Variants in ANGPTL8 observed in about 807,000 individuals in gnomAD.
ANGPTL8 encodes the protein angiopoietin like 8.
In ANGPTL8, 24 loss-of-function variants were observed where a neutral mutation model predicts 22.6. The observed-to-expected ratio is 1.06, with a 90% confidence interval of 0.77 to 1.49. ANGPTL8 has a LOEUF of 1.49. Among genes scored for constraint, ANGPTL8 ranks in the 40% most tolerant of loss-of-function variants. ANGPTL8 has a pLI of 0.00. For missense variants in ANGPTL8, 230 were observed against 259.6 expected (o/e 0.89, Z 0.78); for synonymous variants, 88 against 113.4 (o/e 0.78, Z 1.42).
rs1231577665 is a variant in ANGPTL8 at position 11,240,188 on chromosome 19, G to A, written c.351G>A (p.Gly117=). Residue 117 remains glycine, a synonymous_variant, in exon 2 of 4, where the codon GGG becomes GGA. Transcript: ENST00000252453. ...CAGAGGCCACAGCTGAGGTGCTGGG[G>A]GAGGTGGCCCAGGCACAGAAGGTGC... is the stretch of plus-strand genomic sequence containing the variant. The part of the protein sequence containing the change: ...LQAEATAEVL[G]EVAQAQKVLR... The A allele has an allele frequency of 6.4e-7, 1 of 1,555,034 alleles. No individual in the cohort carries two copies. The highest frequency in any genetic ancestry group is 2.0e-5 in the Admixed American group (1 of 51,274).
intron 2 of ANGPTL8, among the ~76,000 whole-genome samples, chr19:11,241,182 G>A (rs953507042): frequency 6.6e-6 from 1 of 151,646 alleles, no homozygotes; most frequent in African/African-American, 2.4e-5. Context: ...GGAGGTGGAG[G>A]TTGCAGTGAG....
chr19:11,240,555 G>A (rs571095600), intron 2 of ANGPTL8, among the ~76,000 whole-genome samples: 13 of 152,090 alleles, frequency 8.5e-5, no homozygotes, highest in African/African-American at 2.4e-4. Flanking sequence ...AGCATGGGGC[G>A]GGCACACAGT....
In ANGPTL8 at chr19:11,241,439, C is replaced by T. The variant is rs757450296; in HGVS notation, c.460-6C>T. On this transcript the variant is annotated splice_region_variant and splice_polypyrimidine_tract_variant and intron_variant, in intron 2 of 3. Coordinates refer to ENST00000252453, the MANE Select transcript of ANGPTL8 (RefSeq NM_018687.7). ...TCGGCTGAGGTTTCCATTCTGACCC[C>T]CACAGGCTCACGCTGACAAGCAGAG... The T allele has an allele frequency of 6.5e-6, 10 of 1,543,856 alleles. No individual in the cohort carries two copies. In the South Asian group the frequency reaches 9.5e-5, roughly 15 times the overall value.
chr19:11,240,256 C>A lies in ANGPTL8; in HGVS notation c.419C>A (p.Ala140Asp). The A allele has an allele frequency of 6.3e-7, 1 of 1,584,374 alleles. No individual in the cohort carries two copies. ...VQRLEVQLRS[A>D]WLGPAYREFE... is the part of the protein sequence containing the mutation. ...CGGCTAGAAGTCCAGCTGAGGAGCGCCTGGCTGGGCCCTGCCTACCGAGAA... is the reference window on the plus strand; with the variant it reads ...CGGCTAGAAGTCCAGCTGAGGAGCGACTGGCTGGGCCCTGCCTACCGAGAA... Residue 140 changes from alanine to aspartate, a missense_variant, in exon 2 of 4, where the codon GCC (alanine) becomes GAC (aspartate). By Grantham distance (126) the Ala-to-Asp change is moderately radical. Transcript: ENST00000252453.
chr19:11,239,960 G>T (rs1195432395), intron 1 of ANGPTL8, 26 bp downstream of exon 1: 10 of 1,562,144 alleles, frequency 6.4e-6, no homozygotes, highest in Non-Finnish European at 1.7e-6. Context: ...GCGACACTGT[G>T]GGGTGGCCAG....
intron 1 of ANGPTL8, 88 bp downstream of exon 1, chr19:11,240,022 A>G (rs2147841602): frequency 6.5e-7 from 1 of 1,547,996 alleles, no homozygotes; most frequent in African/African-American, 1.4e-5. Context: ...TGGTTTGCCC[A>G]GGACTGAAGG....
intron 2 of ANGPTL8, 22 bp downstream of exon 2, chr19:11,240,318 A>T: frequency 1.3e-6 from 2 of 1,528,830 alleles, no homozygotes; most frequent in Non-Finnish European, 1.8e-6. Context: ...CCCCAACCCT[A>T]GTGGGCTGAG....
chr19:11,240,814 C>G (rs1052852196), intron 2 of ANGPTL8, among the ~76,000 whole-genome samples: 14 of 151,266 alleles, frequency 9.3e-5, no homozygotes, highest in African/African-American at 3.4e-4. Flanking sequence ...AAGGGATCTG[C>G]CTGCCTCGGT....
intron 2 of ANGPTL8, 114 bp downstream of exon 2, chr19:11,240,410 T>C: frequency 1.9e-6 from 2 of 1,080,576 alleles, no homozygotes; most frequent in South Asian, 3.6e-5. Context: ...CTGTGGCCTC[T>C]ACCCTGCATG....
intron 2 of ANGPTL8, among the ~76,000 whole-genome samples, chr19:11,241,200 C>T (rs1018971862): frequency 2.7e-5 from 4 of 149,914 alleles, no homozygotes; most frequent in African/African-American, 9.9e-5. Context: ...GAGCTGAGAT[C>T]GTGTCATTGC....
Position 11,241,670 on chromosome 19 carries a change from G to A in ANGPTL8, c.580G>A (p.Ala194Thr), listed in dbSNP as rs1446688661. 1 of 1,582,946 alleles carries A rather than the reference G, an allele frequency of 6.3e-7. No homozygotes were observed. Among genetic ancestry groups the A allele is most frequent in the Admixed American group, 1.8e-5 (1 of 55,502 alleles). ...LRQIQERLHT[A>T]ALPA Reference sequence around the variant, plus strand: ...CATCTCCCTCCCCAGACTCCACACAGCGGCGCTCCCAGCCTGAATCTGCCT... The same window carrying A: ...CATCTCCCTCCCCAGACTCCACACAACGGCGCTCCCAGCCTGAATCTGCCT... The change falls in exon 4 of 4, where the codon GCG becomes ACG. Residue 194 changes from alanine (A) to threonine (T), a missense_variant. By Grantham distance (58) the Ala-to-Thr change is moderately conservative. Transcript: ENST00000252453.
In ANGPTL8 at chr19:11,241,416, G is replaced by A. The variant is rs756254735; in HGVS notation, c.460-29G>A. 1.5e-5 allele frequency: 22 copies of A among 1,463,714 alleles called. No homozygotes were observed. The South Asian group carries it at 1.6e-4, about 11-fold the overall frequency. The allele number at this position is 1,463,714 out of a possible 1,614,324, so 90.7% of individuals were successfully genotyped here. ...GGGGATGGGAGGTGAGGTGGCTGTCGGCTGAGGTTTCCATTCTGACCCCCA... is the reference window on the plus strand; with the variant it reads ...GGGGATGGGAGGTGAGGTGGCTGTCAGCTGAGGTTTCCATTCTGACCCCCA... On this transcript the variant is annotated intron_variant, in intron 2 of 3. Transcript: ENST00000252453.
At chr19:11,241,401 G>T in intron 2 of ANGPTL8, 44 bp from the exon 3 acceptor site, 1 of 1,286,678 alleles carries the variant, frequency 7.8e-7, no homozygotes, top group Non-Finnish European at 1.1e-6. Context: ...GGGGATGGGA[G>T]GTGAGGTGGC....
Position 11,240,302 on chromosome 19 carries a change from G to A in ANGPTL8, c.459+6G>A, listed in dbSNP as rs2079922744. ...GAGAATTTGAGGTCTTAAAGGTAAG[G>A]AGCTCCCCCAACCCTAGTGGGCTGA... On this transcript the variant is annotated splice_donor_region_variant and intron_variant, in intron 2 of 3. Coordinates refer to ENST00000252453, the MANE Select transcript of ANGPTL8 (RefSeq NM_018687.7). The A allele has an allele frequency of 6.4e-7, 1 of 1,562,206 alleles. No homozygotes were observed. The highest frequency in any genetic ancestry group is 8.6e-7 in the Non-Finnish European group (1 of 1,156,304).
In ANGPTL8 at chr19:11,241,416, G is replaced by C. The variant is rs756254735; in HGVS notation, c.460-29G>C. On this transcript the variant is annotated intron_variant, in intron 2 of 3. Coordinates refer to ENST00000252453, the MANE Select transcript of ANGPTL8 (RefSeq NM_018687.7). ...GGGGATGGGAGGTGAGGTGGCTGTC[G>C]GCTGAGGTTTCCATTCTGACCCCCA... 4.8e-6 allele frequency: 7 copies of C among 1,463,832 alleles called. 1 individual carries two copies. The South Asian group carries it at 7.3e-5, about 15-fold the overall frequency. The allele number at this position is 1,463,832 out of a possible 1,614,324, so 90.7% of individuals were successfully genotyped here. A position where few individuals can be genotyped will look rare whatever the true frequency, so the allele number is the denominator to read the frequency against.
intron 2 of ANGPTL8, among the ~76,000 whole-genome samples, chr19:11,240,550 G>T (rs1166812091): frequency 6.6e-6 from 1 of 151,950 alleles, no homozygotes; most frequent in African/African-American, 2.4e-5. Context: ...TATTCAGCAT[G>T]GGGCGGGCAC....
chr19:11,241,772 C>A lies in ANGPTL8; in HGVS notation c.*85C>A, dbSNP rs1054813853. ...AGGCCCCTGTGCAGGGAGGAGCTGC[C>A]TGTTCACTGGGATCAGCCAGGGCGC... On this transcript the variant is annotated 3_prime_UTR_variant, in exon 4 of 4. Coordinates refer to ENST00000252453, the MANE Select transcript of ANGPTL8 (RefSeq NM_018687.7). The A allele has an allele frequency of 3.9e-6, 6 of 1,543,058 alleles. No individual in the cohort carries two copies. Among genetic ancestry groups the A allele is most frequent in the African/African-American group, 1.4e-5 (1 of 73,036 alleles).
chr19:11,241,413 G>C, intron 2 of ANGPTL8, 32 bp from the exon 3 acceptor site: 1 of 1,441,604 alleles, frequency 6.9e-7, no homozygotes, highest in South Asian at 1.2e-5. Flanking sequence ...TGAGGTGGCT[G>C]TCGGCTGAGG....
At position 11,240,079 on chromosome 19, in the gene ANGPTL8, T is replaced by C. The variant is rs1408039350; in HGVS notation, c.298-56T>C. The stretch of plus-strand genomic sequence containing the variant: ...TCAGCGATAAACTCAGGCAAGTCCT[T>C]AGGTACACAAAGATGAGTTGGACAT... On this transcript the variant is annotated intron_variant, in intron 1 of 3. Transcript: ENST00000252453. 5 of 1,549,794 alleles carry C rather than the reference T, an allele frequency of 3.2e-6. No individual in the cohort carries two copies. The Middle Eastern group carries it at 8.4e-4, about 260-fold the overall frequency.
Sources: gnomAD v4.1 joint callset for allele counts (sites outside exome capture counted in the v4.1 genomes callset) on GRCh38, gnomAD v4.1.1 for gene constraint, MANE v1.5 for transcripts, NCBI Gene and HGNC (gene_info 2026-07-23, HGNC 2026-07-21) for gene names.